IFT74: variants seen among roughly 807,000 people sequenced by gnomAD.
IFT74 encodes the protein intraflagellar transport 74.
In IFT74, 92 loss-of-function variants were observed where a neutral mutation model predicts 96.7. The observed-to-expected ratio is 0.95, with a 90% confidence interval of 0.80 to 1.13. The LOEUF is 1.13. IFT74 is among the 50% of genes most tolerant of loss of function. The pLI is 0.00. For synonymous variants in IFT74, 223 were observed against 213.2 expected (o/e 1.05, Z -0.40); for missense variants, 811 against 698.2 (o/e 1.16, Z -1.82).
intron 16 of IFT74, among the ~76,000 whole-genome samples, chr9:27,048,603 A>G (rs1819795762): frequency 6.6e-6 from 1 of 152,240 alleles, no homozygotes. Flanking sequence ...TCCAGCATGA[A>G]TTGAAATCAA....
At chr9:26,996,545 G>T in intron 8 of IFT74, 1 of 1,214,920 alleles carries the variant, frequency 8.2e-7, no homozygotes, top group Non-Finnish European at 1.1e-6. Flanking sequence ...AAAAATAATA[G>T]TTAACAACAT....
intron 14 of IFT74, among the ~76,000 whole-genome samples, chr9:27,045,662 A>G (rs1241185808): frequency 6.6e-6 from 1 of 152,088 alleles, no homozygotes; most frequent in Non-Finnish European, 1.5e-5. Context: ...TGTATTCTCA[A>G]TTACTGGTTT....
At chr9:27,034,367 A>G (rs1283465383) in intron 13 of IFT74, among the ~76,000 whole-genome samples, 1 of 152,202 alleles carries the variant, frequency 6.6e-6, no homozygotes, top group Non-Finnish European at 1.5e-5. Context: ...TGTGTCATTC[A>G]AAGTAGTAAA....
chr9:27,026,874 A>C (rs1401710810), intron 12 of IFT74, among the ~76,000 whole-genome samples: 1 of 152,212 alleles, frequency 6.6e-6, no homozygotes, highest in Non-Finnish European at 1.5e-5. Flanking sequence ...AAAAAGTCTG[A>C]AAGAACACAA....
rs1020918715 is a variant in IFT74 at position 27,036,380 on chromosome 9, T to C, written c.1054+7276T>C. ...GTTAGTTTAAAACATTAAGCTTATATGTACTCTTTTTACCACAGCAATTTT... is the reference window on the plus strand; with the variant it reads ...GTTAGTTTAAAACATTAAGCTTATACGTACTCTTTTTACCACAGCAATTTT... On this transcript the variant is annotated intron_variant, in intron 13 of 19. Coordinates refer to ENST00000380062, the MANE Select transcript of IFT74 (RefSeq NM_025103.4). 1.0e-5 allele frequency: 16 copies of C among 1,563,576 alleles called. No homozygotes were observed. The African/African-American group carries it at 1.9e-4, about 19-fold the overall frequency.
chr9:27,057,714 C>G (rs1399538695), intron 18 of IFT74, among the ~76,000 whole-genome samples: 6 of 151,992 alleles, frequency 3.9e-5, no homozygotes, highest in African/African-American at 7.2e-5. Context: ...AAAAATTAGC[C>G]AGGAGTGGTG....
chr9:26,994,495 C>T (rs1587308543), intron 8 of IFT74: 1 of 147,816 alleles, frequency 6.8e-6, no homozygotes, highest in Admixed American at 6.9e-5. Context: ...TGAGACTGCG[C>T]TGCTGCAGTC....
intron 13 of IFT74, among the ~76,000 whole-genome samples, chr9:27,033,672 T>C (rs1830229966): frequency 6.6e-6 from 1 of 151,942 alleles, no homozygotes; most frequent in East Asian, 1.9e-4. Context: ...ATTCATTGTA[T>C]CCACATTGAT....
At position 27,034,566 on chromosome 9, in the gene IFT74, T is replaced by A. The variant is rs988741482; in HGVS notation, c.1054+5462T>A. ...ATTTTGAGACGGAGTTTTTCTCTTG[T>A]GGCCCAGGCTGGAGTAAAATGGTGT... On this transcript the variant is annotated intron_variant, in intron 13 of 19. Coordinates refer to ENST00000380062, the MANE Select transcript of IFT74 (RefSeq NM_025103.4). Among the ~76,000 whole-genome samples the A allele has an allele frequency of 3.9e-5, 6 of 152,214 alleles. 1 individual carries two copies. Among genetic ancestry groups the A allele is most frequent in the Non-Finnish European group, 5.9e-5 (4 of 68,036 alleles).
chr9:26,971,926 A>G (rs747392144), intron 2 of IFT74, among the ~76,000 whole-genome samples: 12 of 152,320 alleles, frequency 7.9e-5, no homozygotes, highest in Middle Eastern at 3.4e-3. Context: ...GTTTGGGCAG[A>G]CCAATTATTG....
intron 4 of IFT74, among the ~76,000 whole-genome samples, chr9:26,981,071 G>A (rs1827355562): frequency 6.6e-6 from 1 of 152,132 alleles, no homozygotes; most frequent in Non-Finnish European, 1.5e-5. Flanking sequence ...GGCAAAAGGT[G>A]CTGAGCTAGT....
At chr9:26,965,826 C>G (rs1826584201) in intron 2 of IFT74, among the ~76,000 whole-genome samples, 1 of 152,072 alleles carries the variant, frequency 6.6e-6, no homozygotes, top group Non-Finnish European at 1.5e-5. Context: ...TTATCTCACT[C>G]TGTATGTCCG....
intron 10 of IFT74, among the ~76,000 whole-genome samples, chr9:27,014,636 G>C (rs58450886): frequency 0.01 from 1,586 of 152,168 alleles, 37 homozygotes; most frequent in African/African-American, 0.036. Flanking sequence ...TTGAGACAGA[G>C]TCTTGCTCTG....
intron 2 of IFT74, among the ~76,000 whole-genome samples, chr9:26,974,465 C>T (rs894305864): frequency 2.0e-5 from 3 of 152,114 alleles, no homozygotes; most frequent in Non-Finnish European, 4.4e-5. Context: ...TTATAGGCCC[C>T]TCATCTTTTT....
intron 13 of IFT74, chr9:27,036,764 C>T (rs942658647): frequency 2.2e-5 from 26 of 1,169,502 alleles, no homozygotes; most frequent in African/African-American, 1.3e-4. Context: ...AGTGCTGTCT[C>T]TCAACAAGAA....
At chr9:27,036,800 A>G (rs1322334341) in intron 13 of IFT74, 1 of 1,095,310 alleles carries the variant, frequency 9.1e-7, no homozygotes, top group Non-Finnish European at 1.1e-6. Flanking sequence ...TCTTTTGAAA[A>G]GTGGCGTGTG....
intron 8 of IFT74, chr9:26,997,781 G>T (rs1475998154): frequency 1.2e-6 from 2 of 1,613,400 alleles, no homozygotes; most frequent in Non-Finnish European, 1.7e-6. Context: ...TAGACTGCAA[G>T]AGCAGTTCCA....
At chr9:26,956,903 G>T (rs1826132588) in intron 1 of IFT74, among the ~76,000 whole-genome samples, 1 of 152,248 alleles carries the variant, frequency 6.6e-6, no homozygotes. Flanking sequence ...AGAATGGTTG[G>T]CTTAGGGAGG....
intron 8 of IFT74, among the ~76,000 whole-genome samples, chr9:27,003,780 T>C (rs79170511): frequency 6.6e-6 from 1 of 152,334 alleles, no homozygotes; most frequent in East Asian, 1.9e-4. Flanking sequence ...TAGATCATAA[T>C]AGAATCCCTT....
Sources: allele counts gnomAD v4.1 joint callset (sites outside exome capture counted in the v4.1 genomes callset), GRCh38; gene constraint gnomAD v4.1.1; transcripts MANE v1.5; gene names NCBI Gene and HGNC (gene_info 2026-07-23, HGNC 2026-07-21).